RSL24D1: variants seen among roughly 807,000 people sequenced by gnomAD.
RSL24D1 encodes probable ribosome biogenesis protein RLP24.
In RSL24D1, 6 loss-of-function variants were observed where a neutral mutation model predicts 26.2. That is an observed-to-expected ratio of 0.23 (90% CI 0.13 to 0.45). RSL24D1 has a LOEUF of 0.45. Ranked by LOEUF, RSL24D1 falls within the 20% of genes least tolerant of loss-of-function variation. The pLI is 0.99. For missense variants in RSL24D1, 176 were observed against 202.6 expected, an observed-to-expected ratio of 0.87 and a Z score of 0.80; for synonymous variants, 61 against 59.1, an observed-to-expected ratio of 1.03 and a Z score of -0.15.
intron 1 of RSL24D1, chr15:55,196,390 T>A (rs1383055310): frequency 4.3e-6 from 2 of 462,776 alleles, no homozygotes; most frequent in South Asian, 3.1e-5. Flanking sequence ...CATTAAGCAA[T>A]ACGGAACACT....
At chr15:55,196,757 C>T in intron 1 of RSL24D1, 53 bp downstream of exon 1, 1 of 1,581,212 alleles carries the variant, frequency 6.3e-7, no homozygotes, top group Non-Finnish European at 8.7e-7. Flanking sequence ...AGCCGCCGCG[C>T]CCAGGAACCG....
chr15:55,196,503 G>A (rs1257535798), intron 1 of RSL24D1: 3 of 582,594 alleles, frequency 5.1e-6, no homozygotes, highest in Admixed American at 2.3e-5. Context: ...AAGTACATGA[G>A]TGGCCAAACA....
At chr15:55,188,020 C>T (rs10162843) in intron 3 of RSL24D1, among the ~76,000 whole-genome samples, 18,302 of 152,162 alleles carry the variant, frequency 0.12, 1,147 homozygotes, top group South Asian at 0.16. Context: ...CTATTTTTCC[C>T]GGTATTTTTG....
chr15:55,185,013 T>A (rs569057259), intron 4 of RSL24D1, among the ~76,000 whole-genome samples: 1 of 152,294 alleles, frequency 6.6e-6, no homozygotes, highest in East Asian at 1.9e-4. Flanking sequence ...GAATAACTGG[T>A]GAGGTCTAAA....
chr15:55,188,410 T>C (rs1487298592), intron 3 of RSL24D1, among the ~76,000 whole-genome samples: 4 of 152,160 alleles, frequency 2.6e-5, no homozygotes, highest in Non-Finnish European at 4.4e-5. Context: ...AAAAAAGAAA[T>C]CAATAGAGCA....
At chr15:55,186,492 T>G (rs951223446) in intron 3 of RSL24D1, among the ~76,000 whole-genome samples, 5 of 152,184 alleles carry the variant, frequency 3.3e-5, no homozygotes, top group Admixed American at 1.3e-4. Flanking sequence ...AAATCTCTGG[T>G]GCTCTTGCCA....
chr15:55,186,856 G>A (rs1429636979), intron 3 of RSL24D1, among the ~76,000 whole-genome samples: 1 of 152,032 alleles, frequency 6.6e-6, no homozygotes, highest in Non-Finnish European at 1.5e-5. Context: ...GAAGTATTTT[G>A]CATGCTTAAA....
intron 3 of RSL24D1, among the ~76,000 whole-genome samples, chr15:55,188,652 T>G (rs1894249629): frequency 6.6e-6 from 1 of 152,154 alleles, no homozygotes; most frequent in African/African-American, 2.4e-5. Flanking sequence ...GTATGTGAAG[T>G]CATACAGAAC....
At position 55,185,429 on chromosome 15, in the gene RSL24D1, C is replaced by CA. The variant is rs1894214403; in HGVS notation, c.269-5dup. ...TCAACTCTCTTCATCGCATCAACTA[C>CA]AAAAAAATTCATGAGTTAGCAAATG... is the stretch of plus-strand genomic sequence containing the variant. On this transcript the variant is annotated splice_region_variant and splice_polypyrimidine_tract_variant and intron_variant, in intron 3 of 5. Coordinates refer to ENST00000260443, the MANE Select transcript of RSL24D1 (RefSeq NM_016304.3). The CA allele has an allele frequency of 1.9e-6, 3 of 1,601,406 alleles. No individual in the cohort carries two copies. Among genetic ancestry groups the CA allele is most frequent in the Admixed American group, 3.5e-5 (2 of 56,930 alleles).
intron 1 of RSL24D1, among the ~76,000 whole-genome samples, chr15:55,194,583 T>C (rs1435706031): frequency 6.6e-6 from 1 of 152,146 alleles, no homozygotes; most frequent in Non-Finnish European, 1.5e-5. Flanking sequence ...ACCTTTCTTA[T>C]TCCACTAATT....
Position 55,181,308 on chromosome 15 carries a change from T to A in RSL24D1, c.*844A>T, listed in dbSNP as rs1441600547. 6.6e-6 allele frequency: 1 copy of A among 152,586 alleles called. No individual in the cohort carries two copies. The highest frequency in any genetic ancestry group is 1.5e-5 in the Non-Finnish European group (1 of 68,032). 9.5% of individuals were successfully genotyped at this position (152,586 alleles called of 1,614,324 possible). On this transcript the variant is annotated 3_prime_UTR_variant, in exon 6 of 6. Coordinates refer to ENST00000260443, the MANE Select transcript of RSL24D1 (RefSeq NM_016304.3). ...GTTTAGTGCCTTTAAAGAATAAATA[T>A]CAGCATTACTTTTTAAATGGTTTTA...
At chr15:55,190,394 AAAAACAAAAC>A (rs566227560) in intron 3 of RSL24D1, among the ~76,000 whole-genome samples, 4 of 150,470 alleles carry the variant, frequency 2.7e-5, no homozygotes, top group East Asian at 1.9e-4. Flanking sequence ...TTCAGGGAAA[AAAAACAAAAC>A]AAAACAAAAC....
In RSL24D1 at chr15:55,195,815, T is replaced by A. The variant is rs150977385; in HGVS notation, c.81+995A>T. 2.8e-4 allele frequency among the ~76,000 whole-genome samples: 42 copies of A among 152,312 alleles called. 1 individual carries two copies. The East Asian group carries it at 8.1e-3, about 29-fold the overall frequency. On this transcript the variant is annotated intron_variant, in intron 1 of 5. Coordinates refer to ENST00000260443, the MANE Select transcript of RSL24D1 (RefSeq NM_016304.3). ...TTGGATCTAATTAATGAGGTCAATATCTTTGATCTGTTACAGAGATATAAG... is the reference window on the plus strand; with the variant it reads ...TTGGATCTAATTAATGAGGTCAATAACTTTGATCTGTTACAGAGATATAAG...
rs528903053 is a variant in RSL24D1, at chr15:55,184,767, G to A, written c.332+595C>T. Among the ~76,000 whole-genome samples the A allele has an allele frequency of 3.0e-4, 45 of 152,242 alleles. No individual in the cohort carries two copies. In the South Asian group the frequency reaches 8.7e-3, roughly 29 times the overall value. ...AGCAAGGTGACATCATGTGCTTCCC[G>A]ATATGATGCATGAGAAGGATACGCC... is the stretch of plus-strand genomic sequence containing the variant. On this transcript the variant is annotated intron_variant, in intron 4 of 5. Coordinates refer to ENST00000260443, the MANE Select transcript of RSL24D1 (RefSeq NM_016304.3).
Position 55,196,696 on chromosome 15 carries a change from A to G in RSL24D1, c.81+114T>C. On this transcript the variant is annotated intron_variant, in intron 1 of 5. Transcript: ENST00000260443. ...AGTTAAGCCACCCTCCCAGGGGAAC[A>G]ACGGGAGGAACCCGGGCCAAACACG... 9.2e-6 allele frequency: 9 copies of G among 975,668 alleles called. No individual in the cohort carries two copies. The South Asian group carries it at 1.3e-4, about 14-fold the overall frequency. The allele number at this position is 975,668 out of a possible 1,614,324, so 60.4% of individuals were successfully genotyped here.
chr15:55,190,414 C>A (rs1462676855), intron 3 of RSL24D1, among the ~76,000 whole-genome samples: 1 of 151,356 alleles, frequency 6.6e-6, no homozygotes, highest in Non-Finnish European at 1.5e-5. Context: ...CAAAACAAAA[C>A]AAAAAAAACA....
chr15:55,189,626 C>T lies in RSL24D1; in HGVS notation c.268+1349G>A, dbSNP rs1245924184. Among the ~76,000 whole-genome samples, 3 of 152,004 alleles carry T rather than the reference C, an allele frequency of 2.0e-5. No homozygotes were observed. In the East Asian group the frequency reaches 5.8e-4, roughly 29 times the overall value. On this transcript the variant is annotated intron_variant, in intron 3 of 5. Transcript: ENST00000260443. Reference sequence around the variant, plus strand: ...TTTGCAATTTTTTTTTCCCTTAGCTCATCAGCTATCATTAGTGTTAGTGTA... The same window carrying T: ...TTTGCAATTTTTTTTTCCCTTAGCTTATCAGCTATCATTAGTGTTAGTGTA...
chr15:55,187,948 A>C (rs186960629), intron 3 of RSL24D1, among the ~76,000 whole-genome samples: 107 of 152,326 alleles, frequency 7.0e-4, no homozygotes, highest in Non-Finnish European at 7.3e-4. Flanking sequence ...AAATAAAAAA[A>C]AATCTGACAG....
chr15:55,195,958 A>T (rs1156400200), intron 1 of RSL24D1, among the ~76,000 whole-genome samples: 2 of 152,206 alleles, frequency 1.3e-5, no homozygotes, highest in Non-Finnish European at 2.9e-5. Context: ...GAAAACCAGG[A>T]ATCTGTAAAC....
Sources: gnomAD v4.1 joint callset for allele counts (sites outside exome capture counted in the v4.1 genomes callset) on GRCh38, gnomAD v4.1.1 for gene constraint, MANE v1.5 for transcripts, NCBI Gene and HGNC (gene_info 2026-07-23, HGNC 2026-07-21) for gene names.